Variants in RBFOX1 observed in about 807,000 individuals in gnomAD.
The protein encoded by RBFOX1 is RNA binding fox-1 homolog 1.
RBFOX1 carries 8 observed loss-of-function variants against 57.7 expected under a neutral mutation model. The observed-to-expected ratio is 0.14, with a 90% CI of 0.08 to 0.25. The LOEUF is 0.25. Among genes scored for constraint, RBFOX1 ranks in the 10% least tolerant of loss-of-function variants. The probability of loss-of-function intolerance (pLI) is 1.00; values close to 1 mark genes in which losing one functional copy is unlikely to be tolerated. For missense variants in RBFOX1, 611 were observed against 548.5 expected, an observed-to-expected ratio of 1.11 and a Z score of -1.14; for synonymous variants, 326 against 222.4, an observed-to-expected ratio of 1.47 and a Z score of -4.15.
rs190294539 is a variant in RBFOX1 at position 7,559,063 on chromosome 16, T to C, written c.271-20714T>C. Reference sequence around the variant, plus strand: ...GTTAAAGGAGAAGGTAGTAATCCTATTTCCCTTGCAGCCAGCATAGGAGAA... The same window carrying C: ...GTTAAAGGAGAAGGTAGTAATCCTACTTCCCTTGCAGCCAGCATAGGAGAA... On this transcript the variant is annotated intron_variant, in intron 5 of 15. Transcript: ENST00000550418. Among the ~76,000 whole-genome samples the C allele has an allele frequency of 1.5e-3, 236 of 152,346 alleles. 1 individual carries two copies. Among genetic ancestry groups the C allele is most frequent in the African/African-American group, 5.4e-3 (224 of 41,588 alleles).
At chr16:7,303,194 G>A (rs973511773) in intron 4 of RBFOX1, among the ~76,000 whole-genome samples, 1 of 152,220 alleles carries the variant, frequency 6.6e-6, no homozygotes, top group Non-Finnish European at 1.5e-5. Flanking sequence ...GCTCGGGGCT[G>A]CCTGCCCAAC....
intron 2 of RBFOX1, among the ~76,000 whole-genome samples, chr16:6,630,703 T>C (rs1949549539): frequency 2.0e-5 from 3 of 152,180 alleles, no homozygotes; most frequent in Non-Finnish European, 1.5e-5. Flanking sequence ...TCCATGTTTG[T>C]AGTCAAGTTT....
chr16:6,194,352 C>T (rs1386259579), intron 1 of RBFOX1, among the ~76,000 whole-genome samples: 1 of 152,112 alleles, frequency 6.6e-6, no homozygotes, highest in Non-Finnish European at 1.5e-5. Context: ...CCCTTCAAAT[C>T]CCTCATGCTT....
intron 3 of RBFOX1, among the ~76,000 whole-genome samples, chr16:5,803,358 G>A (rs1223737468): frequency 3.3e-5 from 5 of 152,154 alleles, no homozygotes; most frequent in Non-Finnish European, 5.9e-5. Context: ...AAGAGTGGTA[G>A]AGAGATAACA....
chr16:7,074,955 G>A (rs1327870489), intron 4 of RBFOX1, among the ~76,000 whole-genome samples: 6 of 152,136 alleles, frequency 3.9e-5, no homozygotes, highest in African/African-American at 9.7e-5. Flanking sequence ...TTGGGAAGAG[G>A]TAGGGGAGCT....
At chr16:7,574,891 G>C (rs539655570) in intron 5 of RBFOX1, among the ~76,000 whole-genome samples, 2 of 152,222 alleles carry the variant, frequency 1.3e-5, no homozygotes, top group South Asian at 4.1e-4. Context: ...TGAGAACTTC[G>C]TGCTGCCTGA....
At chr16:6,937,090 G>A (rs915072513) in intron 3 of RBFOX1, among the ~76,000 whole-genome samples, 1 of 151,486 alleles carries the variant, frequency 6.6e-6, no homozygotes, top group Non-Finnish European at 1.5e-5. Flanking sequence ...CTTAAAGTAT[G>A]ATAATAAAAA....
chr16:5,805,293 T>C (rs8048463), intron 3 of RBFOX1, among the ~76,000 whole-genome samples: 21,160 of 152,128 alleles, frequency 0.14, 4,891 homozygotes, highest in African/African-American at 0.48. Flanking sequence ...TATTTACTCA[T>C]TCCATAAGCA....
At chr16:5,562,874 T>G (rs1218441488) in intron 2 of RBFOX1, among the ~76,000 whole-genome samples, 1 of 152,186 alleles carries the variant, frequency 6.6e-6, no homozygotes, top group Non-Finnish European at 1.5e-5. Flanking sequence ...GATATTGATA[T>G]TGGCTTCATA....
chr16:5,619,989 A>AG (rs924677163), intron 3 of RBFOX1, among the ~76,000 whole-genome samples: 64 of 150,658 alleles, frequency 4.2e-4, no homozygotes, highest in African/African-American at 1.5e-3. Context: ...GATGCATTAA[A>AG]AAAAAAAAAA....
At chr16:6,886,454 C>A (rs1567717699) in intron 3 of RBFOX1, among the ~76,000 whole-genome samples, 1 of 151,774 alleles carries the variant, frequency 6.6e-6, no homozygotes, top group African/African-American at 2.4e-5. Context: ...TTCCAATTTC[C>A]AAGATATGAA....
At chr16:6,188,372 G>C (rs1482490745) in intron 1 of RBFOX1, among the ~76,000 whole-genome samples, 3 of 141,134 alleles carry the variant, frequency 2.1e-5, no homozygotes, top group Non-Finnish European at 4.6e-5. Flanking sequence ...GAAACAATTA[G>C]AGCTTTGAGA....
Position 6,460,794 on chromosome 16 carries a change from C to T in RBFOX1, c.-64+143737C>T, listed in dbSNP as rs1286190644. 4.3e-5 allele frequency among the ~76,000 whole-genome samples: 6 copies of T among 140,956 alleles called. No individual in the cohort carries two copies. The South Asian group carries it at 6.7e-4, about 16-fold the overall frequency. 92.5% of individuals were successfully genotyped at this position (140,956 alleles called of 152,430 possible). A position where few individuals can be genotyped will look rare whatever the true frequency, so the allele number is the denominator to read the frequency against. On this transcript the variant is annotated intron_variant, in intron 2 of 15. Coordinates refer to ENST00000550418, the MANE Select transcript of RBFOX1 (RefSeq NM_018723.4). ...TCATTCTATTATAAAGATACATGCA[C>T]GTATATGTTAATAGAAGCACTATTC...
chr16:6,866,210 C>A (rs1011174227), intron 3 of RBFOX1, among the ~76,000 whole-genome samples: 2 of 151,960 alleles, frequency 1.3e-5, no homozygotes, highest in East Asian at 3.9e-4. Flanking sequence ...TTTATTACTT[C>A]AGTGTCTTCT....
chr16:5,384,075 C>A (rs1030894753), intron 1 of RBFOX1, among the ~76,000 whole-genome samples: 5 of 152,188 alleles, frequency 3.3e-5, no homozygotes, highest in African/African-American at 1.2e-4. Flanking sequence ...AGAAATGAGT[C>A]TATGTGTCCA....
intron 4 of RBFOX1, among the ~76,000 whole-genome samples, chr16:7,176,627 G>T (rs945427138): frequency 2.0e-5 from 3 of 152,050 alleles, no homozygotes; most frequent in African/African-American, 7.2e-5. Flanking sequence ...AAACTATATG[G>T]GTGGCAAAGC....
chr16:7,570,641 A>C (rs1044401518), intron 5 of RBFOX1, among the ~76,000 whole-genome samples: 1 of 152,204 alleles, frequency 6.6e-6, no homozygotes, highest in African/African-American at 2.4e-5. Flanking sequence ...TCCTTCCCTG[A>C]ATGTACATTA....
chr16:6,547,254 C>G (rs181212871), intron 2 of RBFOX1, among the ~76,000 whole-genome samples: 19 of 152,286 alleles, frequency 1.2e-4, no homozygotes, highest in African/African-American at 3.1e-4. Context: ...CCTCCTCTTT[C>G]TTCCTGGGAA....
chr16:5,538,081 G>A (rs1460807295), intron 2 of RBFOX1, among the ~76,000 whole-genome samples: 2 of 152,098 alleles, frequency 1.3e-5, no homozygotes, highest in African/African-American at 4.8e-5. Context: ...GTCATATCCT[G>A]ACCCCAAAGG....
Sources: gnomAD v4.1 joint callset for allele counts (sites outside exome capture counted in the v4.1 genomes callset) on GRCh38, gnomAD v4.1.1 for gene constraint, MANE v1.5 for transcripts, NCBI Gene and HGNC (gene_info 2026-07-23, HGNC 2026-07-21) for gene names.